The following ADGRL3 variants were observed in gnomAD, a reference collection of about 807,000 sequenced individuals.
The protein encoded by ADGRL3 is adhesion G protein-coupled receptor L3, also known as calcium-independent alpha-latrotoxin receptor 3.
Under a neutral mutation model 153.5 loss-of-function variants are expected in ADGRL3, and 62 were observed. That is an observed-to-expected ratio of 0.40 (90% CI 0.33 to 0.50). The LOEUF (loss-of-function observed/expected upper bound fraction) is 0.50, where lower values mean the gene tolerates loss of function less well. Among genes scored for constraint, ADGRL3 ranks in the 20% least tolerant of loss-of-function variants. The pLI, the probability that ADGRL3 is intolerant of heterozygous loss-of-function variation, is 0.47. For missense variants in ADGRL3, 1,641 were observed against 1,859.4 expected (o/e 0.88, Z 2.16); for synonymous variants, 710 against 672.5 (o/e 1.06, Z -0.86).
chr4:61,451,608 C>G (rs938467338), intron 2 of ADGRL3, among the ~76,000 whole-genome samples: 5 of 152,102 alleles, frequency 3.3e-5, no homozygotes, highest in Non-Finnish European at 7.4e-5. Context: ...GAGGTTTATT[C>G]TTTGAGTTAA....
intron 1 of ADGRL3, among the ~76,000 whole-genome samples, chr4:61,297,359 C>T (rs913205016): frequency 2.6e-5 from 4 of 151,908 alleles, no homozygotes; most frequent in Non-Finnish European, 5.9e-5. Context: ...TTTGCATGTG[C>T]CTCATATAAT....
At chr4:61,441,847 T>C (rs1420456804) in intron 2 of ADGRL3, among the ~76,000 whole-genome samples, 1 of 152,216 alleles carries the variant, frequency 6.6e-6, no homozygotes, top group Non-Finnish European at 1.5e-5. Context: ...TTCGAGATGA[T>C]GTTCATAATA....
intron 17 of ADGRL3, among the ~76,000 whole-genome samples, chr4:61,965,667 C>T (rs1331802286): frequency 1.3e-5 from 2 of 151,904 alleles, no homozygotes; most frequent in African/African-American, 2.4e-5. Flanking sequence ...AGGAGAATGG[C>T]GTGAACCCAG....
At chr4:61,596,507 C>T (rs1227339195) in intron 5 of ADGRL3, among the ~76,000 whole-genome samples, 2 of 152,148 alleles carry the variant, frequency 1.3e-5, no homozygotes, top group East Asian at 1.9e-4. Flanking sequence ...TTTTCATTCT[C>T]TGCCAGAGCT....
intron 4 of ADGRL3, among the ~76,000 whole-genome samples, chr4:61,555,086 T>A (rs1419504339): frequency 6.6e-6 from 1 of 152,158 alleles, no homozygotes; most frequent in Non-Finnish European, 1.5e-5. Flanking sequence ...GTAAATTTCC[T>A]TTACGAATAT....
At chr4:61,839,762 T>A (rs1336993235) in intron 9 of ADGRL3, among the ~76,000 whole-genome samples, 1 of 151,538 alleles carries the variant, frequency 6.6e-6, no homozygotes, top group African/African-American at 2.4e-5. Context: ...AGTGAGACCC[T>A]GTCTCTGCCC....
Position 61,649,614 on chromosome 4 carries a change from C to T in ADGRL3, c.474-27212C>T, listed in dbSNP as rs113292883. ...TTATAACACGTAGCAAAACACAAAA[C>T]CTCCTCTGGGCTAAATTTAATAATT... On this transcript the variant is annotated intron_variant, in intron 5 of 26. Transcript: ENST00000683033. Among the ~76,000 whole-genome samples the T allele has an allele frequency of 4.9e-4, 74 of 152,212 alleles. 3 individuals carry two copies. Among genetic ancestry groups the T allele is most frequent in the Middle Eastern group, 3.4e-3 (1 of 294 alleles).
intron 2 of ADGRL3, chr4:61,427,119 CAG>C (rs141439812): frequency 0.39 from 59,787 of 152,044 alleles, 12,294 homozygotes; most frequent in Middle Eastern, 0.57. Context: ...CGAAAGCACT[CAG>C]GGGTGCAGAG....
At chr4:61,630,477 A>G (rs1340377473) in intron 5 of ADGRL3, among the ~76,000 whole-genome samples, 1 of 152,210 alleles carries the variant, frequency 6.6e-6, no homozygotes, top group East Asian at 1.9e-4. Context: ...AAGGAGTCAG[A>G]AATCTACATG....
rs1725880059 is a variant in ADGRL3 at position 62,037,728 on chromosome 4, T to C, written c.3592-3T>C. The stretch of plus-strand genomic sequence containing the variant: ...TAACAGAAGTTAATATTTAATTGGC[T>C]AGGTACGAAAAGAGTATGGGAAATG... On this transcript the variant is annotated splice_region_variant and splice_polypyrimidine_tract_variant and intron_variant, in intron 23 of 26. Transcript: ENST00000683033. 4 of 1,613,560 alleles carry C rather than the reference T, an allele frequency of 2.5e-6. No individual in the cohort carries two copies. In the South Asian group the frequency reaches 4.4e-5, roughly 18 times the overall value.
intron 6 of ADGRL3, chr4:61,677,179 C>T (rs1172724006): frequency 4.9e-6 from 2 of 405,516 alleles, no homozygotes; most frequent in Non-Finnish European, 9.0e-6. Context: ...ACACACTTTT[C>T]TTAATTAATG....
At chr4:62,016,231 T>C (rs1476405543) in intron 21 of ADGRL3, among the ~76,000 whole-genome samples, 1 of 152,128 alleles carries the variant, frequency 6.6e-6, no homozygotes, top group East Asian at 1.9e-4. Flanking sequence ...GTATTTTTAG[T>C]AGAGATGGGG....
At chr4:61,957,473 T>C (rs1000824560) in intron 17 of ADGRL3, among the ~76,000 whole-genome samples, 2 of 151,976 alleles carry the variant, frequency 1.3e-5, no homozygotes, top group Admixed American at 1.3e-4. Context: ...AGCCAAATTA[T>C]AAGTAATCTC....
intron 24 of ADGRL3, among the ~76,000 whole-genome samples, chr4:62,039,837 C>A (rs1727211655): frequency 6.6e-6 from 1 of 152,110 alleles, no homozygotes; most frequent in Non-Finnish European, 1.5e-5. Context: ...ATGATTAGAT[C>A]CCGCATGCTT....
intron 1 of ADGRL3, among the ~76,000 whole-genome samples, chr4:61,350,417 T>A: frequency 6.6e-6 from 1 of 151,708 alleles, no homozygotes; most frequent in Admixed American, 6.6e-5. Flanking sequence ...AGTATAAATT[T>A]AAGAGCAGTG....
rs191637076 is a variant in ADGRL3 at position 61,454,871 on chromosome 4, C to T, written c.-173-42250C>T. 1.7e-4 allele frequency among the ~76,000 whole-genome samples: 26 copies of T among 152,080 alleles called. No individual in the cohort carries two copies. The East Asian group carries it at 4.7e-3, about 27-fold the overall frequency. On this transcript the variant is annotated intron_variant, in intron 2 of 26. Transcript: ENST00000683033. ...GAGTAGTGTATGTCTTTGGAATTGA[C>T]TTTGTTCAGAGCCCGCTTTACTGGG...
At position 61,895,739 on chromosome 4, in the gene ADGRL3, A is replaced by G; in HGVS notation, c.1792A>G (p.Thr598Ala). 6.3e-7 allele frequency: 1 copy of G among 1,584,754 alleles called. No homozygotes were observed. The highest frequency in any genetic ancestry group is 8.6e-7 in the Non-Finnish European group (1 of 1,160,612). ...PCPAGTIGVS[T>A]YLCLAPDGIW... ...TTCTCTCATTATTACAGGTGTATCA[A>G]CTTATCTATGCCTTGCTCCTGATGG... is the stretch of plus-strand genomic sequence containing the variant. The change falls in exon 11 of 27, where the codon ACT (threonine) becomes GCT (alanine). Residue 598 changes from threonine (T) to alanine (A), a missense_variant. Physicochemically the swap from Thr to Ala is moderately conservative, Grantham distance 58. Around this residue, in one of 5 missense-constraint regions of ADGRL3, gnomAD observed 734 missense variants for 797.0 expected, o/e 0.92. Coordinates refer to ENST00000683033, the MANE Select transcript of ADGRL3 (RefSeq NM_001387552.1).
rs147738408 is a variant in ADGRL3, at chr4:61,288,840, G to A, written c.-240+87075G>A. Reference sequence around the variant, plus strand: ...TGGTTTAGTTCTTGAGCTTTTCAGCGGTTCTAAATTTTTAGGACAGTGCCA... The same window carrying A: ...TGGTTTAGTTCTTGAGCTTTTCAGCAGTTCTAAATTTTTAGGACAGTGCCA... On this transcript the variant is annotated intron_variant, in intron 1 of 26. Coordinates refer to ENST00000683033, the MANE Select transcript of ADGRL3 (RefSeq NM_001387552.1). Among the ~76,000 whole-genome samples, 223 of 151,952 alleles carry A rather than the reference G, an allele frequency of 1.5e-3. 1 individual carries two copies. The highest frequency in any genetic ancestry group is 4.7e-3 in the African/African-American group (195 of 41,480).
At chr4:61,812,072 A>T (rs1490142653) in intron 8 of ADGRL3, among the ~76,000 whole-genome samples, 1 of 152,236 alleles carries the variant, frequency 6.6e-6, no homozygotes, top group Non-Finnish European at 1.5e-5. Context: ...GGCCTTAAAA[A>T]TAGAAATGTC....
Sources: gnomAD v4.1 joint callset for allele counts (sites outside exome capture counted in the v4.1 genomes callset) on GRCh38, gnomAD v4.1.1 for gene constraint, gnomAD v4.1.1 regional missense constraint, MANE v1.5 for transcripts, NCBI Gene and HGNC (gene_info 2026-07-23, HGNC 2026-07-21) for gene names.